Variants in TG observed in about 807,000 individuals in gnomAD.
TG encodes thyroid hormones.
In TG, 270 loss-of-function variants were observed where a neutral mutation model predicts 324.7. The ratio of observed to expected loss-of-function variants is 0.83; its 90% CI spans 0.75 to 0.92. The LOEUF (loss-of-function observed/expected upper bound fraction) is 0.92. TG is among the 40% of genes least tolerant of loss of function. The pLI is 0.00. For missense variants in TG, 3,591 were observed against 3,456.4 expected (o/e 1.04, Z -0.98); for synonymous variants, 1,401 against 1,327.0 (o/e 1.06, Z -1.21).
rs542310076 is a variant in TG, at chr8:133,119,912, A to T, written c.7862+3196A>T. ...GCAACTGCCTCCAGGTTGTAAGAAGAAAAATAAGTGGCAGGCCAGGATTCT... is the reference window on the plus strand; with the variant it reads ...GCAACTGCCTCCAGGTTGTAAGAAGTAAAATAAGTGGCAGGCCAGGATTCT... On this transcript the variant is annotated intron_variant, in intron 45 of 47. Coordinates refer to ENST00000220616, the MANE Select transcript of TG (RefSeq NM_003235.5). 2.6e-5 allele frequency among the ~76,000 whole-genome samples: 4 copies of T among 152,332 alleles called. No individual in the cohort carries two copies. In the South Asian group the frequency reaches 8.3e-4, roughly 32 times the overall value.
At chr8:133,111,196 C>T (rs896418637) in intron 43 of TG, among the ~76,000 whole-genome samples, 8 of 152,100 alleles carry the variant, frequency 5.3e-5, no homozygotes, top group Admixed American at 3.3e-4. Flanking sequence ...ATGTGGGGTC[C>T]TGCTTAAGTT....
intron 33 of TG, chr8:132,972,180 T>C: frequency 2.2e-6 from 1 of 454,144 alleles, no homozygotes; most frequent in Non-Finnish European, 4.1e-6. Flanking sequence ...TTGGATCCAT[T>C]TGCATGATGT....
chr8:133,111,622 C>T (rs926104761), intron 43 of TG, among the ~76,000 whole-genome samples: 14 of 152,204 alleles, frequency 9.2e-5, no homozygotes, highest in East Asian at 1.9e-4. Context: ...CTCTCAGATG[C>T]GTTGTAGATG....
chr8:132,908,424 A>C (rs879221964), intron 18 of TG, 84 bp downstream of exon 18: 3 of 383,270 alleles, frequency 7.8e-6, no homozygotes, highest in South Asian at 4.8e-5. Flanking sequence ...TCACATTAAC[A>C]CAGAGGCTGG....
At position 132,900,220 on chromosome 8, in the gene TG, C is replaced by T. The variant is rs1224404921; in HGVS notation, c.3331-17C>T. On this transcript the variant is annotated splice_polypyrimidine_tract_variant and intron_variant, in intron 14 of 47. Transcript: ENST00000220616. ...ATCTTGCCCACAGTGACTGACATGA[C>T]CCCGGCTTTGTCTCAGACAGGAGAG... 4 of 1,611,240 alleles carry T rather than the reference C, an allele frequency of 2.5e-6. No individual in the cohort carries two copies. Among genetic ancestry groups the T allele is most frequent in the Admixed American group, 3.3e-5 (2 of 59,864 alleles).
intron 41 of TG, among the ~76,000 whole-genome samples, chr8:133,056,254 A>G (rs898478546): frequency 6.6e-6 from 1 of 152,242 alleles, no homozygotes; most frequent in African/African-American, 2.4e-5. Context: ...TATGATGTTC[A>G]TCAATGTACA....
chr8:132,927,759 T>C (rs1487639602), intron 22 of TG, among the ~76,000 whole-genome samples: 2 of 152,236 alleles, frequency 1.3e-5, no homozygotes, highest in Admixed American at 6.5e-5. Context: ...ACCTTTCAAA[T>C]TGTATTTAGT....
chr8:133,068,913 AGGCTATAAATGGGGTTT>A (rs1282321077), intron 41 of TG, among the ~76,000 whole-genome samples: 1 of 152,286 alleles, frequency 6.6e-6, no homozygotes, highest in Non-Finnish European at 1.5e-5. Context: ...TGACAAAACC[AGGCTATAAATGGGGTTT>A]GGCCTAGGCC....
At chr8:132,949,003 T>C in intron 27 of TG, 60 bp downstream of exon 27, 1 of 1,496,886 alleles carries the variant, frequency 6.7e-7, no homozygotes, top group Non-Finnish European at 9.2e-7. Flanking sequence ...AGCAAGGCCC[T>C]CTGCTACTTT....
At chr8:132,959,434 G>A (rs1191540877) in intron 27 of TG, among the ~76,000 whole-genome samples, 1 of 152,188 alleles carries the variant, frequency 6.6e-6, no homozygotes, top group Non-Finnish European at 1.5e-5. Context: ...CTGATACATA[G>A]CACTTGATAC....
At chr8:133,101,332 A>T (rs1279453514) in intron 43 of TG, among the ~76,000 whole-genome samples, 1 of 152,178 alleles carries the variant, frequency 6.6e-6, no homozygotes, top group Non-Finnish European at 1.5e-5. Context: ...GTGCCCTTGT[A>T]TTGCCCTCCC....
At chr8:133,112,785 G>A (rs2979040) in intron 43 of TG, among the ~76,000 whole-genome samples, 33,501 of 151,932 alleles carry the variant, frequency 0.22, 4,212 homozygotes, top group South Asian at 0.31. Context: ...TTTCTTTGTA[G>A]CACCTGTTCC....
At position 132,873,232 on chromosome 8, in the gene TG, C is replaced by G; in HGVS notation, c.638+11C>G. ...CCACAGCTACAACAGGTAAGGGGAG[C>G]AGGGGTGTGCCAGTCACTGGGCCAT... is the stretch of plus-strand genomic sequence containing the variant. On this transcript the variant is annotated intron_variant, in intron 5 of 47. Coordinates refer to ENST00000220616, the MANE Select transcript of TG (RefSeq NM_003235.5). 1 of 1,613,838 alleles carries G rather than the reference C, an allele frequency of 6.2e-7. No individual in the cohort carries two copies. Among genetic ancestry groups the G allele is most frequent in the East Asian group, 2.2e-5 (1 of 44,872 alleles).
chr8:133,087,509 T>C (rs7846474), intron 41 of TG, among the ~76,000 whole-genome samples: 38,500 of 152,136 alleles, frequency 0.25, 5,152 homozygotes, highest in African/African-American at 0.3. Context: ...GACTTGGCCA[T>C]GTCACTTGTC....
chr8:132,901,575 GGAC>G (rs759093023), intron 16 of TG, 22 bp downstream of exon 16: 1 of 1,606,126 alleles, frequency 6.2e-7, no homozygotes, highest in South Asian at 1.1e-5. Context: ...CCCCCTGGGG[GGAC>G]GACGAGGCCT....
At chr8:132,986,382 G>GTATATA (rs1831542948) in intron 35 of TG, among the ~76,000 whole-genome samples, 1 of 102,426 alleles carries the variant, frequency 9.8e-6, no homozygotes, top group East Asian at 2.0e-4. Context: ...ATATATATGT[G>GTATATA]TGTATATATG....
chr8:133,044,187 C>T (rs1461285099), intron 41 of TG, among the ~76,000 whole-genome samples: 2 of 152,194 alleles, frequency 1.3e-5, no homozygotes, highest in East Asian at 1.9e-4. Context: ...TAGCATTTAG[C>T]CAACCGTTCA....
At chr8:132,880,084 A>G (rs573075305) in intron 5 of TG, among the ~76,000 whole-genome samples, 1 of 152,324 alleles carries the variant, frequency 6.6e-6, no homozygotes, top group East Asian at 1.9e-4. Context: ...GAGCAGTGTC[A>G]GACAGAGTCA....
chr8:132,960,949 T>C, intron 27 of TG, 59 bp from the exon 28 acceptor site: 1 of 1,528,924 alleles, frequency 6.5e-7, no homozygotes, highest in Non-Finnish European at 9.1e-7. Flanking sequence ...ATTGCAGTAA[T>C]GGTGGGTACC....
Sources: gnomAD v4.1 joint callset for allele counts (sites outside exome capture counted in the v4.1 genomes callset) on GRCh38, gnomAD v4.1.1 for gene constraint, MANE v1.5 for transcripts, NCBI Gene and HGNC (gene_info 2026-07-23, HGNC 2026-07-21) for gene names.